The following FNDC3B variants were observed in gnomAD, a reference collection of about 807,000 sequenced individuals.
FNDC3B encodes the protein fibronectin type III domain containing 3B.
A neutral mutation model predicts 151.5 loss-of-function variants in FNDC3B; 12 were observed. The ratio of observed to expected loss-of-function variants is 0.08; its 90% CI spans 0.05 to 0.13. The LOEUF is 0.13. Among genes scored for constraint, FNDC3B ranks in the 10% least tolerant of loss-of-function variants. The probability of loss-of-function intolerance (pLI) is 1.00; values close to 1 mark genes in which losing one functional copy is unlikely to be tolerated. For missense variants in FNDC3B, 1,214 were observed against 1,505.3 expected (o/e 0.81, Z 3.20); for synonymous variants, 528 against 549.0 (o/e 0.96, Z 0.54).
rs754891902 is a variant in FNDC3B at position 172,335,039 on chromosome 3, T to G, written c.1737T>G (p.Leu579=). ...GGCCTGGACCTCCTACCAGACCGCTTGTCAAAGGCCCAGTTACATCTCATG... is the reference window on the plus strand; with the variant it reads ...GGCCTGGACCTCCTACCAGACCGCTGGTCAAAGGCCCAGTTACATCTCATG... ...PDRPGPPTRP[L]VKGPVTSHGF... The change falls in exon 15 of 26, where the codon CTT becomes CTG. Residue 579 remains leucine (L), a synonymous_variant. Transcript: ENST00000415807. The G allele has an allele frequency of 4.3e-6, 7 of 1,613,208 alleles. No homozygotes were observed. Among genetic ancestry groups the G allele is most frequent in the Admixed American group, 1.7e-5 (1 of 59,890 alleles).
At chr3:172,346,146 G>A in intron 19 of FNDC3B, 181 bp from the exon 20 acceptor site, 1 of 396,194 alleles carries the variant, frequency 2.5e-6, no homozygotes, top group Middle Eastern at 6.5e-4. Context: ...ACTGTATATA[G>A]GAGAAAAACT....
rs145271499 is a variant in FNDC3B, at chr3:172,373,437, G to A, written c.3009-4833G>A. Among the ~76,000 whole-genome samples the A allele has an allele frequency of 1.7e-3, 254 of 152,294 alleles. 1 individual carries two copies. Among genetic ancestry groups the A allele is most frequent in the Non-Finnish European group, 2.7e-3 (183 of 68,024 alleles). The stretch of plus-strand genomic sequence containing the variant: ...GTCATTCTACATATAAGAGGAAGAG[G>A]ACTAGGAAAGCTCGACAAATGCTGT... On this transcript the variant is annotated intron_variant, in intron 23 of 25. Coordinates refer to ENST00000415807, the MANE Select transcript of FNDC3B (RefSeq NM_022763.4).
chr3:172,188,170 T>A (rs181688939), intron 3 of FNDC3B, among the ~76,000 whole-genome samples: 3 of 151,388 alleles, frequency 2.0e-5, no homozygotes, highest in Non-Finnish European at 2.9e-5. Context: ...TAATTTTGTA[T>A]TTTTAGTAGA....
At chr3:172,283,585 A>G (rs1181507254) in intron 6 of FNDC3B, among the ~76,000 whole-genome samples, 1 of 152,014 alleles carries the variant, frequency 6.6e-6, no homozygotes, top group Non-Finnish European at 1.5e-5. Context: ...GGAAACAGTT[A>G]CCTCCTTCAG....
At chr3:172,213,699 A>C (rs2108717373) in intron 3 of FNDC3B, among the ~76,000 whole-genome samples, 1 of 152,288 alleles carries the variant, frequency 6.6e-6, no homozygotes, top group East Asian at 1.9e-4. Flanking sequence ...TACCTATCCT[A>C]ATACGGCCTC....
chr3:172,168,744 T>G (rs1410662152), intron 3 of FNDC3B, among the ~76,000 whole-genome samples: 9 of 138,912 alleles, frequency 6.5e-5, no homozygotes, highest in African/African-American at 2.2e-4. Context: ...TGAGATGGAG[T>G]CTCTGCCACT....
intron 2 of FNDC3B, among the ~76,000 whole-genome samples, chr3:172,113,973 G>A (rs552832757): frequency 5.3e-5 from 8 of 152,188 alleles, no homozygotes; most frequent in South Asian, 4.2e-4. Context: ...ACCCCGTGCC[G>A]TCATCTCACT....
At chr3:172,195,881 G>C (rs1183665781) in intron 3 of FNDC3B, among the ~76,000 whole-genome samples, 1 of 152,144 alleles carries the variant, frequency 6.6e-6, no homozygotes, top group African/African-American at 2.4e-5. Flanking sequence ...GTTACATAAT[G>C]ACACTAATCC....
intron 14 of FNDC3B, among the ~76,000 whole-genome samples, chr3:172,333,509 T>TG (rs1732791005): frequency 1.2e-5 from 1 of 84,872 alleles, no homozygotes; most frequent in Non-Finnish European, 2.4e-5. Context: ...TTTTTTTTTT[T>TG]TTTTTTTGTA....
intron 11 of FNDC3B, among the ~76,000 whole-genome samples, chr3:172,315,024 T>A (rs1431149785): frequency 6.6e-6 from 1 of 152,258 alleles, no homozygotes; most frequent in Non-Finnish European, 1.5e-5. Flanking sequence ...GACAACATCT[T>A]AATTTTTAAA....
intron 7 of FNDC3B, among the ~76,000 whole-genome samples, chr3:172,293,157 G>C (rs938623050): frequency 6.6e-6 from 1 of 152,192 alleles, no homozygotes; most frequent in African/African-American, 2.4e-5. Context: ...ACAGGGTGAG[G>C]TATGACCATT....
intron 3 of FNDC3B, chr3:172,225,791 G>C: frequency 5.7e-6 from 1 of 175,704 alleles, no homozygotes; most frequent in East Asian, 1.3e-4. Flanking sequence ...CTGGATCTTG[G>C]CCTTTGGATT....
At chr3:172,155,352 G>A (rs1296683168) in intron 3 of FNDC3B, among the ~76,000 whole-genome samples, 2 of 152,082 alleles carry the variant, frequency 1.3e-5, no homozygotes, top group African/African-American at 2.4e-5. Flanking sequence ...GATGAGTTTT[G>A]GTATATGGTG....
chr3:172,117,347 G>T (rs1038082034), intron 2 of FNDC3B, among the ~76,000 whole-genome samples: 4 of 152,088 alleles, frequency 2.6e-5, no homozygotes, highest in African/African-American at 9.7e-5. Flanking sequence ...TCAGAAAATT[G>T]ATGCCTTTGT....
At chr3:172,307,635 A>G (rs1050250035) in intron 10 of FNDC3B, 134 bp downstream of exon 10, 1 of 803,872 alleles carries the variant, frequency 1.2e-6, no homozygotes, top group Admixed American at 2.2e-5. Flanking sequence ...TCAAGGCTGC[A>G]GTGAGCCATG....
chr3:172,318,618 C>T (rs533580864), intron 11 of FNDC3B, among the ~76,000 whole-genome samples: 61 of 152,272 alleles, frequency 4.0e-4, no homozygotes, highest in Middle Eastern at 6.8e-3. Flanking sequence ...ATGAAGAGAG[C>T]CCCCTGAGAA....
At chr3:172,342,126 A>T (rs998538368) in intron 17 of FNDC3B, among the ~76,000 whole-genome samples, 3 of 152,154 alleles carry the variant, frequency 2.0e-5, no homozygotes, top group African/African-American at 7.2e-5. Context: ...TTTCTAGTCA[A>T]CCCACTTGCA....
intron 20 of FNDC3B, 99 bp downstream of exon 20, chr3:172,346,539 T>C (rs1330605804): frequency 2.4e-5 from 15 of 623,744 alleles, no homozygotes; most frequent in Non-Finnish European, 3.5e-5. Flanking sequence ...AATGCACATA[T>C]AGATGATTTT....
At chr3:172,198,271 G>C (rs183505630) in intron 3 of FNDC3B, among the ~76,000 whole-genome samples, 6 of 152,068 alleles carry the variant, frequency 3.9e-5, no homozygotes, top group Admixed American at 1.3e-4. Flanking sequence ...AAGATCTGTG[G>C]GGGGGTACAT....
Sources: gnomAD v4.1 joint callset for allele counts (sites outside exome capture counted in the v4.1 genomes callset) on GRCh38, gnomAD v4.1.1 for gene constraint, MANE v1.5 for transcripts, NCBI Gene and HGNC (gene_info 2026-07-23, HGNC 2026-07-21) for gene names.